Variants in GULP1 observed in about 807,000 individuals in gnomAD.
GULP1 encodes the protein GULP PTB domain containing engulfment adaptor 1.
A neutral mutation model predicts 40.9 loss-of-function variants in GULP1; 19 were observed. That is an observed-to-expected ratio of 0.46 (90% CI 0.32 to 0.68). GULP1 has a LOEUF of 0.68. Among genes scored for constraint, GULP1 ranks in the 30% least tolerant of loss-of-function variants. The probability of loss-of-function intolerance (pLI) is 0.03; values close to 1 mark genes in which losing one functional copy is unlikely to be tolerated. For synonymous variants in GULP1, 119 were observed against 117.6 expected (o/e 1.01, Z -0.08); for missense variants, 312 against 362.2 (o/e 0.86, Z 1.12).
chr2:188,483,401 A>G, intron 3 of GULP1, 30 bp from the exon 4 acceptor site: 1 of 1,258,934 alleles, frequency 7.9e-7, no homozygotes, highest in Non-Finnish European at 1.1e-6. Context: ...TGGAAACCTA[A>G]AATTTAACTC....
chr2:188,456,569 G>T (rs1219966238), intron 2 of GULP1, among the ~76,000 whole-genome samples: 3 of 152,152 alleles, frequency 2.0e-5, no homozygotes, highest in East Asian at 3.9e-4. Flanking sequence ...AGATGTATAG[G>T]AATGCCTGGA....
At chr2:188,592,213 A>G (rs1278349845) in intron 11 of GULP1, 2 of 152,000 alleles carry the variant, frequency 1.3e-5, no homozygotes, top group African/African-American at 2.4e-5. Context: ...GTTTACTAGC[A>G]GAATGAACTG....
intron 2 of GULP1, among the ~76,000 whole-genome samples, chr2:188,451,136 AC>A (rs1435465710): frequency 6.6e-6 from 1 of 152,196 alleles, no homozygotes; most frequent in African/African-American, 2.4e-5. Context: ...TTTAAATGCT[AC>A]TTTTCTACTT....
chr2:188,371,929 A>G (rs1215393521), intron 1 of GULP1, among the ~76,000 whole-genome samples: 1 of 152,124 alleles, frequency 6.6e-6, no homozygotes, highest in Non-Finnish European at 1.5e-5. Context: ...TAGTCTGATT[A>G]TTATATACTA....
chr2:188,583,819 A>AT (rs1425945005), intron 9 of GULP1, among the ~76,000 whole-genome samples: 2 of 152,218 alleles, frequency 1.3e-5, no homozygotes, highest in East Asian at 3.8e-4. Flanking sequence ...TTGAATGTTT[A>AT]TATTTAAGAA....
intron 1 of GULP1, among the ~76,000 whole-genome samples, chr2:188,356,913 C>T (rs1258232233): frequency 6.6e-6 from 1 of 152,042 alleles, no homozygotes; most frequent in Non-Finnish European, 1.5e-5. Context: ...CATATATTTA[C>T]AGCCAGCAGA....
chr2:188,299,138 A>G (rs911279674), intron 1 of GULP1, among the ~76,000 whole-genome samples: 22 of 151,970 alleles, frequency 1.4e-4, no homozygotes, highest in African/African-American at 5.3e-4. Flanking sequence ...GTTACAGAGC[A>G]GGTGACCAAG....
intron 1 of GULP1, among the ~76,000 whole-genome samples, chr2:188,338,882 CTG>C (rs1483877940): frequency 1.3e-5 from 2 of 152,190 alleles, no homozygotes; most frequent in Non-Finnish European, 2.9e-5. Flanking sequence ...CCCTTCCACT[CTG>C]TGTGGAAGTT....
At chr2:188,488,042 T>C (rs1482662998) in intron 4 of GULP1, among the ~76,000 whole-genome samples, 1 of 152,038 alleles carries the variant, frequency 6.6e-6, no homozygotes, top group Non-Finnish European at 1.5e-5. Context: ...CAGTAAGATA[T>C]TAGAACTTGA....
At chr2:188,516,669 A>G (rs997708722) in intron 4 of GULP1, among the ~76,000 whole-genome samples, 1 of 152,102 alleles carries the variant, frequency 6.6e-6, no homozygotes. Context: ...GAAGATATTA[A>G]ATCTGATTGC....
intron 11 of GULP1, chr2:188,588,783 C>T (rs1188060751): frequency 6.6e-6 from 1 of 151,984 alleles, no homozygotes; most frequent in South Asian, 2.1e-4. Flanking sequence ...ATTCTCTATG[C>T]CTCACTTCCT....
At position 188,594,249 on chromosome 2, in the gene GULP1, T is replaced by C. The variant is rs1704128402; in HGVS notation, c.*238T>C. ...TGTTCCTTTCTGTTTCTACTGTAGA[T>C]GAATTTGTAATTGAAAGACATATTA... is the stretch of plus-strand genomic sequence containing the variant. On this transcript the variant is annotated 3_prime_UTR_variant, in exon 12 of 12. Transcript: ENST00000409830. 3 of 305,676 alleles carry C rather than the reference T, an allele frequency of 9.8e-6. No homozygotes were observed. The highest frequency in any genetic ancestry group is 1.8e-5 in the Non-Finnish European group (3 of 166,642). 18.9% of individuals were successfully genotyped at this position (305,676 alleles called of 1,614,324 possible). A position where few individuals can be genotyped will look rare whatever the true frequency, so the allele number is the denominator to read the frequency against.
At chr2:188,569,484 C>T (rs1698559724) in intron 8 of GULP1, 129 bp downstream of exon 8, 3 of 692,202 alleles carry the variant, frequency 4.3e-6, no homozygotes, top group Non-Finnish European at 7.8e-6. Context: ...ACTGCTTTCA[C>T]CGTGTTCCCA....
intron 11 of GULP1, chr2:188,589,893 G>A: frequency 2.4e-6 from 1 of 414,518 alleles, no homozygotes; most frequent in Non-Finnish European, 4.3e-6. Flanking sequence ...GTTTAGAGAG[G>A]TTTTATAAAC....
intron 4 of GULP1, among the ~76,000 whole-genome samples, chr2:188,515,072 T>G (rs771631303): frequency 3.3e-5 from 5 of 152,182 alleles, no homozygotes; most frequent in Non-Finnish European, 5.9e-5. Flanking sequence ...TACTCAAGAG[T>G]GCAGTTGCTG....
In GULP1 at chr2:188,522,631, C is replaced by A. The variant is rs928621106; in HGVS notation, c.91-125C>A. The A allele has an allele frequency of 1.2e-5, 4 of 328,626 alleles. No individual in the cohort carries two copies. In the South Asian group the frequency reaches 2.6e-4, roughly 21 times the overall value. The allele number at this position is 328,626 out of a possible 1,614,324, so 20.4% of individuals were successfully genotyped here. On this transcript the variant is annotated intron_variant, in intron 4 of 11. Coordinates refer to ENST00000409830, the MANE Select transcript of GULP1 (RefSeq NM_016315.4). The stretch of plus-strand genomic sequence containing the variant: ...ATAAAAATAATATAAAATAATAATT[C>A]TATTTAATTAACATATGAGTTTGCA...
chr2:188,488,511 A>C (rs993577250), intron 4 of GULP1, among the ~76,000 whole-genome samples: 1 of 152,062 alleles, frequency 6.6e-6, no homozygotes, highest in Non-Finnish European at 1.5e-5. Context: ...TGTTCTGTCA[A>C]CTCTGGAGTT....
At chr2:188,544,900 C>T (rs1435463793) in intron 7 of GULP1, among the ~76,000 whole-genome samples, 2 of 151,974 alleles carry the variant, frequency 1.3e-5, no homozygotes, top group African/African-American at 4.8e-5. Flanking sequence ...GATCTCCAAA[C>T]AGGATTAATC....
intron 2 of GULP1, among the ~76,000 whole-genome samples, chr2:188,419,250 T>C (rs998462302): frequency 6.6e-6 from 1 of 152,002 alleles, no homozygotes; most frequent in African/African-American, 2.4e-5. Context: ...TAATAGTTTT[T>C]TTTTAAGTTG....
Sources: gnomAD v4.1 joint callset for allele counts (sites outside exome capture counted in the v4.1 genomes callset) on GRCh38, gnomAD v4.1.1 for gene constraint, MANE v1.5 for transcripts, NCBI Gene and HGNC (gene_info 2026-07-23, HGNC 2026-07-21) for gene names.